The following CFAP299 variants were observed in gnomAD, a reference collection of about 807,000 sequenced individuals.
The protein encoded by CFAP299 is cilia and flagella associated protein 299, also known as cilia- and flagella-associated protein 299.
Under a neutral mutation model 27.0 loss-of-function variants are expected in CFAP299, and 21 were observed. That is an observed-to-expected ratio of 0.78 (90% CI 0.55 to 1.12). The LOEUF is 1.12. Ranked by LOEUF, CFAP299 falls within the 50% of genes most tolerant of loss-of-function variation. CFAP299 has a pLI of 0.00. For synonymous variants in CFAP299, 104 were observed against 98.1 expected, an observed-to-expected ratio of 1.06 and a Z score of -0.36; for missense variants, 310 against 276.6, an observed-to-expected ratio of 1.12 and a Z score of -0.86.
intron 4 of CFAP299, among the ~76,000 whole-genome samples, chr4:80,899,170 A>C (rs1734759309): frequency 6.6e-6 from 1 of 152,216 alleles, no homozygotes; most frequent in South Asian, 2.1e-4. Flanking sequence ...TTTATGAGAT[A>C]ATATATGTAG....
intron 2 of CFAP299, among the ~76,000 whole-genome samples, chr4:80,569,754 A>T (rs756841121): frequency 2.0e-5 from 3 of 152,054 alleles, no homozygotes; most frequent in Non-Finnish European, 2.9e-5. Flanking sequence ...CTAACAAAAG[A>T]TGTACAAGAC....
At chr4:80,921,880 A>C (rs548214578) in intron 4 of CFAP299, among the ~76,000 whole-genome samples, 1 of 151,914 alleles carries the variant, frequency 6.6e-6, no homozygotes, top group Non-Finnish European at 1.5e-5. Context: ...AATGAATGAA[A>C]ATGGGATATG....
At chr4:80,847,205 C>G (rs1241280875) in intron 3 of CFAP299, among the ~76,000 whole-genome samples, 1 of 152,204 alleles carries the variant, frequency 6.6e-6, no homozygotes, top group Admixed American at 6.5e-5. Context: ...CCACCCTGCT[C>G]TACCCAGGAA....
In CFAP299 at chr4:80,878,593, T is replaced by C. The variant is rs73829180; in HGVS notation, c.476+8458T>C. Among the ~76,000 whole-genome samples the C allele has an allele frequency of 4.6e-3, 697 of 152,240 alleles. 3 individuals carry two copies. Among genetic ancestry groups the C allele is most frequent in the African/African-American group, 0.016 (660 of 41,574 alleles). On this transcript the variant is annotated intron_variant, in intron 4 of 5. Coordinates refer to ENST00000358105, the MANE Select transcript of CFAP299 (RefSeq NM_152770.3). Reference sequence around the variant, plus strand: ...CTAAACTAGTATGAAATAACTTTTGTGTATTTATGTAAGCCTACTTGTTTT... The same window carrying C: ...CTAAACTAGTATGAAATAACTTTTGCGTATTTATGTAAGCCTACTTGTTTT...
intron 1 of CFAP299, among the ~76,000 whole-genome samples, chr4:80,344,407 A>G (rs184075962): frequency 6.6e-6 from 1 of 152,296 alleles, no homozygotes; most frequent in Admixed American, 6.5e-5. Flanking sequence ...GAAGAAATGT[A>G]TAAATTTCTG....
intron 2 of CFAP299, among the ~76,000 whole-genome samples, chr4:80,530,434 G>T (rs1387897842): frequency 2.0e-5 from 3 of 152,054 alleles, no homozygotes; most frequent in South Asian, 4.2e-4. Context: ...ATGCAGTTAT[G>T]CTACAAGCCA....
intron 3 of CFAP299, among the ~76,000 whole-genome samples, chr4:80,729,760 TG>T (rs1723392510): frequency 6.6e-6 from 1 of 151,616 alleles, no homozygotes; most frequent in African/African-American, 2.4e-5. Flanking sequence ...CCACCACACC[TG>T]GCTAATTTTT....
chr4:80,942,047 A>G (rs1560486173), intron 4 of CFAP299, among the ~76,000 whole-genome samples: 2 of 152,182 alleles, frequency 1.3e-5, no homozygotes. Flanking sequence ...ATCTTCATCC[A>G]GCTAGCTGGA....
chr4:80,742,059 T>C (rs190328928), intron 3 of CFAP299, among the ~76,000 whole-genome samples: 1 of 152,310 alleles, frequency 6.6e-6, no homozygotes, highest in Admixed American at 6.5e-5. Flanking sequence ...GCATGACTAC[T>C]GTGGGAGAGA....
chr4:80,953,017 G>A (rs916867416), intron 5 of CFAP299, among the ~76,000 whole-genome samples: 5 of 152,130 alleles, frequency 3.3e-5, no homozygotes, highest in African/African-American at 1.2e-4. Flanking sequence ...GCCCTTCAGT[G>A]AAGGTCCTCA....
chr4:80,516,136 TCAGC>T (rs1214886260), intron 2 of CFAP299, among the ~76,000 whole-genome samples: 2 of 150,878 alleles, frequency 1.3e-5, no homozygotes, highest in African/African-American at 2.4e-5. Context: ...TTCTCTTGCC[TCAGC>T]CTCCCAAGTA....
intron 4 of CFAP299, among the ~76,000 whole-genome samples, chr4:80,937,312 CTT>C (rs70956081): frequency 4.4e-5 from 3 of 68,652 alleles, no homozygotes; most frequent in African/African-American, 6.6e-5. Context: ...TTTTTTCTTT[CTT>C]TTTTTTTTTT....
At chr4:80,832,130 G>GC (rs1351565245) in intron 3 of CFAP299, among the ~76,000 whole-genome samples, 1 of 152,088 alleles carries the variant, frequency 6.6e-6, no homozygotes. Flanking sequence ...CTTGTGTAAT[G>GC]CCCAGGAACT....
intron 3 of CFAP299, among the ~76,000 whole-genome samples, chr4:80,801,845 G>T (rs897733215): frequency 2.9e-4 from 44 of 152,090 alleles, no homozygotes; most frequent in African/African-American, 1.1e-3. Flanking sequence ...TTTGCCCAAC[G>T]CACTCTGCTT....
chr4:80,380,422 ATTTTTTT>A (rs10701207), intron 2 of CFAP299, among the ~76,000 whole-genome samples: 2 of 96,134 alleles, frequency 2.1e-5, no homozygotes, highest in African/African-American at 8.0e-5. Flanking sequence ...TGTGTCTCAC[ATTTTTTT>A]TTTTTTTTTT....
intron 3 of CFAP299, among the ~76,000 whole-genome samples, chr4:80,624,655 C>A (rs190355217): frequency 2.3e-3 from 345 of 151,634 alleles, no homozygotes; most frequent in African/African-American, 8.1e-3. Flanking sequence ...TGATCAGATT[C>A]AATGCAAATA....
At chr4:80,489,257 T>C (rs1387240145) in intron 2 of CFAP299, among the ~76,000 whole-genome samples, 2 of 152,174 alleles carry the variant, frequency 1.3e-5, no homozygotes, top group African/African-American at 2.4e-5. Flanking sequence ...TTTCATCTTG[T>C]GGTTTTGAAT....
chr4:80,405,152 C>T (rs1025895978), intron 2 of CFAP299, among the ~76,000 whole-genome samples: 3 of 152,148 alleles, frequency 2.0e-5, no homozygotes, highest in Non-Finnish European at 4.4e-5. Flanking sequence ...TTCTTTGCAC[C>T]TGAGCTGCAA....
At chr4:80,819,355 T>G (rs886402696) in intron 3 of CFAP299, among the ~76,000 whole-genome samples, 3 of 152,114 alleles carry the variant, frequency 2.0e-5, no homozygotes, top group African/African-American at 7.2e-5. Flanking sequence ...GGCTTCTGGT[T>G]AGGAGTCTTA....
Sources: gnomAD v4.1 joint callset for allele counts (sites outside exome capture counted in the v4.1 genomes callset) on GRCh38, gnomAD v4.1.1 for gene constraint, MANE v1.5 for transcripts, NCBI Gene and HGNC (gene_info 2026-07-23, HGNC 2026-07-21) for gene names.